NXPE2: variants seen among roughly 807,000 people sequenced by gnomAD.
NXPE2 encodes the protein NXPE family member 2.
In NXPE2, 34 loss-of-function variants were observed where a neutral mutation model predicts 34.4. The ratio of observed to expected loss-of-function variants is 0.99; its 90% CI spans 0.75 to 1.31. NXPE2 has a LOEUF of 1.31. Ranked by LOEUF, NXPE2 falls within the 40% of genes most tolerant of loss-of-function variation. NXPE2 has a pLI of 0.00. For synonymous variants in NXPE2, 235 were observed against 231.3 expected (o/e 1.02, Z -0.15); for missense variants, 649 against 672.5 (o/e 0.97, Z 0.39).
At chr11:114,572,932 T>A in the NXPE2 span, among the ~76,000 whole-genome samples, 1 of 152,084 alleles carries the variant, frequency 6.6e-6, no homozygotes, top group African/African-American at 2.4e-5. Flanking sequence ...AAAGTCAAGA[T>A]GAAGGAAAAA....
chr11:114,526,106 G>A, the NXPE2 span, among the ~76,000 whole-genome samples: 1 of 152,140 alleles, frequency 6.6e-6, no homozygotes, highest in Non-Finnish European at 1.5e-5. Context: ...CCTCTGCTGT[G>A]GCTTTGAAGA....
At chr11:114,632,874 A>G in the NXPE2 span, among the ~76,000 whole-genome samples, 2 of 65,828 alleles carry the variant, frequency 3.0e-5, no homozygotes, top group Non-Finnish European at 5.3e-5. Flanking sequence ...ATATAATTAT[A>G]TAATTATATA....
the NXPE2 span, chr11:114,522,088 G>A: frequency 6.2e-7 from 1 of 1,613,998 alleles, no homozygotes; most frequent in Non-Finnish European, 8.5e-7. Flanking sequence ...CCACGTTGAG[G>A]TCTTTGAAAA....
rs1236140666 is a variant in NXPE2, at chr11:114,706,495, TC to T, written c.1247del (p.Pro416HisfsTer10). The T allele has an allele frequency of 2.6e-6, 4 of 1,551,684 alleles. No individual in the cohort carries two copies. Among genetic ancestry groups the T allele is most frequent in the Non-Finnish European group, 3.5e-6 (4 of 1,146,928 alleles). On this transcript the variant is annotated frameshift_variant, in exon 6 of 6. Transcript: ENST00000389586. LOFTEE classifies it low-confidence loss of function (END_TRUNC). Reference protein sequence around the residue: ...ILIQWKKHGHPFVTKKLFSVK... With the variant: ...ILIQWKKHGHXFVTKKLFSVK... ...TGATTCAGTGGAAAAAACATGGTCA[TC>T]CATTTGTTACCAAAAAATTATTCTC... is the stretch of plus-strand genomic sequence containing the variant.
chr11:114,777,782 G>A, the NXPE2 span, among the ~76,000 whole-genome samples: 3 of 152,222 alleles, frequency 2.0e-5, no homozygotes, highest in South Asian at 2.1e-4. Flanking sequence ...GGCTTTGAGA[G>A]TATCTGACCT....
the NXPE2 span, among the ~76,000 whole-genome samples, chr11:114,560,302 GCTCTGTTGC>G: frequency 8.9e-6 from 1 of 111,758 alleles, no homozygotes; most frequent in East Asian, 2.8e-4. Flanking sequence ...ACAAGGTTTT[GCTCTGTTGC>G]CCAGGCTGGA....
chr11:114,484,836 T>TA, the NXPE2 span, among the ~76,000 whole-genome samples: 1 of 152,174 alleles, frequency 6.6e-6, no homozygotes, highest in East Asian at 1.9e-4. Flanking sequence ...TATAGAATGA[T>TA]AAAAAAGCAG....
chr11:114,754,763 C>T, the NXPE2 span, among the ~76,000 whole-genome samples: 1 of 152,124 alleles, frequency 6.6e-6, no homozygotes, highest in Non-Finnish European at 1.5e-5. Flanking sequence ...AGAAACTGGC[C>T]TTAGTGTCGG....
chr11:114,472,330 AAAG>A, the NXPE2 span, among the ~76,000 whole-genome samples: 5 of 152,174 alleles, frequency 3.3e-5, no homozygotes, highest in Admixed American at 1.3e-4. Flanking sequence ...GGCCACTTTC[AAAG>A]AAGAATTGTC....
the NXPE2 span, among the ~76,000 whole-genome samples, chr11:114,638,503 G>T: frequency 2.0e-4 from 31 of 151,968 alleles, no homozygotes; most frequent in Non-Finnish European, 8.8e-5. Context: ...TTCCATTGCT[G>T]GTGAGGAACT....
the NXPE2 span, among the ~76,000 whole-genome samples, chr11:114,557,512 A>G: frequency 5.8e-4 from 88 of 151,184 alleles, no homozygotes; most frequent in Admixed American, 1.1e-3. Context: ...GTTGGACTGG[A>G]ACTACTGGGC....
chr11:114,650,868 AAAC>A, the NXPE2 span, among the ~76,000 whole-genome samples: 1 of 152,060 alleles, frequency 6.6e-6, no homozygotes, highest in African/African-American at 2.4e-5. Flanking sequence ...CTACCCCAAG[AAAC>A]AACAGTAAAA....
At chr11:114,553,797 A>G in the NXPE2 span, 3 of 976,604 alleles carry the variant, frequency 3.1e-6, no homozygotes, top group Admixed American at 1.8e-4. Context: ...TTGCTGGCTT[A>G]TGAAAGCCTA....
chr11:114,558,399 ATAGT>A, the NXPE2 span, among the ~76,000 whole-genome samples: 1 of 152,134 alleles, frequency 6.6e-6, no homozygotes, highest in Non-Finnish European at 1.5e-5. Flanking sequence ...CCTTGTTTTC[ATAGT>A]TAGTTTCAAC....
At chr11:114,809,230 C>G in the NXPE2 span, among the ~76,000 whole-genome samples, 1 of 151,964 alleles carries the variant, frequency 6.6e-6, no homozygotes, top group African/African-American at 2.4e-5. Context: ...AACCCACAAC[C>G]AATATCATAC....
the NXPE2 span, among the ~76,000 whole-genome samples, chr11:114,560,302 G>A: frequency 1.8e-5 from 2 of 111,730 alleles, no homozygotes; most frequent in Admixed American, 9.8e-5. Context: ...ACAAGGTTTT[G>A]CTCTGTTGCC....
chr11:114,545,728 C>T, the NXPE2 span, among the ~76,000 whole-genome samples: 1 of 148,716 alleles, frequency 6.7e-6, no homozygotes, highest in Non-Finnish European at 1.5e-5. Flanking sequence ...CCTGCCCTGT[C>T]TCCAGGCTGG....
At chr11:114,521,748 G>A in the NXPE2 span, 4 of 451,090 alleles carry the variant, frequency 8.9e-6, no homozygotes, top group East Asian at 3.3e-5. Flanking sequence ...TATTTTAAAC[G>A]AGCATCAGAA....
the NXPE2 span, among the ~76,000 whole-genome samples, chr11:114,768,933 G>C: frequency 3.3e-5 from 5 of 151,914 alleles, no homozygotes; most frequent in African/African-American, 9.7e-5. Flanking sequence ...CAAAAGCAAG[G>C]GCAACAAAAG....
Sources: allele counts gnomAD v4.1 joint callset (sites outside exome capture counted in the v4.1 genomes callset), GRCh38; gene constraint gnomAD v4.1.1; transcripts MANE v1.5; gene names NCBI Gene and HGNC (gene_info 2026-07-23, HGNC 2026-07-21).